ADRA1A: variants seen among roughly 807,000 people sequenced by gnomAD.
ADRA1A encodes the protein alpha-1A adrenergic receptor.
ADRA1A carries 31 observed loss-of-function variants against 29.6 expected under a neutral mutation model. That is an observed-to-expected ratio of 1.05 (90% CI 0.79 to 1.41). The LOEUF (loss-of-function observed/expected upper bound fraction) is 1.41, where lower values mean the gene tolerates loss of function less well. ADRA1A is among the 40% of genes most tolerant of loss of function. The probability of loss-of-function intolerance (pLI) is 0.00; values close to 1 mark genes in which losing one functional copy is unlikely to be tolerated. For missense variants in ADRA1A, 619 were observed against 601.1 expected (o/e 1.03, Z -0.31); for synonymous variants, 311 against 254.3 (o/e 1.22, Z -2.12).
intron 2 of ADRA1A, among the ~76,000 whole-genome samples, chr8:26,804,955 G>A (rs750987080): frequency 6.6e-5 from 10 of 152,040 alleles, no homozygotes; most frequent in Non-Finnish European, 1.2e-4. Context: ...AATAAGCTTC[G>A]GAGTCAGTCT....
In ADRA1A at chr8:26,812,822, G is replaced by A. The variant is rs886570876; in HGVS notation, c.884-42156C>T. Among the ~76,000 whole-genome samples, 12 of 151,468 alleles carry A rather than the reference G, an allele frequency of 7.9e-5. No homozygotes were observed. The East Asian group carries it at 1.2e-3, about 15-fold the overall frequency. ...TGGGATTACAGGCGCCCGCCACCACGCCAGGCTAATTTTTCTGTATTTTTA... is the reference window on the plus strand; with the variant it reads ...TGGGATTACAGGCGCCCGCCACCACACCAGGCTAATTTTTCTGTATTTTTA... On this transcript the variant is annotated intron_variant, in intron 2 of 2. Coordinates refer to ENST00000380573, the MANE Select transcript of ADRA1A (RefSeq NM_000680.4).
At chr8:26,833,465 G>T (rs887155595) in intron 2 of ADRA1A, among the ~76,000 whole-genome samples, 3 of 152,194 alleles carry the variant, frequency 2.0e-5, no homozygotes, top group African/African-American at 7.2e-5. Context: ...CACCTCAGAA[G>T]GACACCCAGC....
At chr8:26,816,483 G>T (rs1390296629) in intron 2 of ADRA1A, among the ~76,000 whole-genome samples, 1 of 152,082 alleles carries the variant, frequency 6.6e-6, no homozygotes, top group Admixed American at 6.5e-5. Flanking sequence ...AGTAACAGTG[G>T]TCTATGGCTG....
At chr8:26,777,009 C>G (rs1200572937) in intron 2 of ADRA1A, among the ~76,000 whole-genome samples, 2 of 152,166 alleles carry the variant, frequency 1.3e-5, no homozygotes, top group Non-Finnish European at 2.9e-5. Flanking sequence ...TCAGGCCAGA[C>G]CCAATGGCTC....
chr8:26,794,972 T>C (rs1208508272), intron 2 of ADRA1A, among the ~76,000 whole-genome samples: 5 of 152,160 alleles, frequency 3.3e-5, no homozygotes, highest in African/African-American at 1.2e-4. Context: ...CTATAATAAT[T>C]TGTTACCTGG....
At chr8:26,844,967 A>T (rs769974107) in intron 2 of ADRA1A, among the ~76,000 whole-genome samples, 20 of 152,160 alleles carry the variant, frequency 1.3e-4, no homozygotes, top group African/African-American at 4.8e-4. Context: ...AAGAAAGTTT[A>T]TGAATTTTTA....
chr8:26,837,594 T>A (rs1029050057), intron 2 of ADRA1A, among the ~76,000 whole-genome samples: 1 of 148,710 alleles, frequency 6.7e-6, no homozygotes, highest in South Asian at 2.1e-4. Context: ...GAAGTTGCAG[T>A]GAGCCAAGAT....
intron 2 of ADRA1A, among the ~76,000 whole-genome samples, chr8:26,780,395 A>T (rs1806880833): frequency 6.6e-6 from 1 of 152,120 alleles, no homozygotes; most frequent in South Asian, 2.1e-4. Flanking sequence ...TTGTTAGTTC[A>T]CGAGGTGACT....
intron 2 of ADRA1A, among the ~76,000 whole-genome samples, chr8:26,759,267 G>T (rs2036109): frequency 0.4 from 60,339 of 152,040 alleles, 12,125 homozygotes; most frequent in Middle Eastern, 0.52. Context: ...GTTGCATATG[G>T]TATTCAGAAG....
At chr8:26,820,917 T>C (rs931704494) in intron 2 of ADRA1A, among the ~76,000 whole-genome samples, 1 of 151,744 alleles carries the variant, frequency 6.6e-6, no homozygotes, top group African/African-American at 2.4e-5. Context: ...TGAGACAGAG[T>C]CTCACTCTGT....
chr8:26,802,839 C>T (rs2130491996), intron 2 of ADRA1A, among the ~76,000 whole-genome samples: 1 of 152,194 alleles, frequency 6.6e-6, no homozygotes, highest in Middle Eastern at 3.4e-3. Flanking sequence ...CCATCAACAG[C>T]TCAATGAATA....
chr8:26,762,513 C>A (rs934473354), downstream of ADRA1A, among the ~76,000 whole-genome samples: 1 of 152,066 alleles, frequency 6.6e-6, no homozygotes, highest in Non-Finnish European at 1.5e-5. The surrounding 1 kb of genome is among the most constrained non-coding windows in gnomAD (Gnocchi z 4.0). Context: ...GGAAATGGCA[C>A]CCTCTGGAGC....
At position 26,779,381 on chromosome 8, in the gene ADRA1A, T is replaced by C. The variant is rs182482503; in HGVS notation, c.884-8715A>G. 848 of 702,824 alleles carry C rather than the reference T, an allele frequency of 1.2e-3. 2 individuals are homozygous for C. The African/African-American group carries it at 0.013, about 11-fold the overall frequency. 43.5% of individuals were successfully genotyped at this position (702,824 alleles called of 1,614,324 possible). ...GCACTGCTGCATGGTGAACTGGTTG[T>C]TTAAAGCTGGGTGAGTCATTTTTTC... On this transcript the variant is annotated intron_variant, in intron 2 of 2. Transcript: ENST00000380573.
chr8:26,755,194 C>CTTT (rs34376542), downstream of ADRA1A, among the ~76,000 whole-genome samples: 27 of 145,628 alleles, frequency 1.9e-4, 1 homozygote, highest in Non-Finnish European at 3.2e-4. Flanking sequence ...AATAGACCTC[C>CTTT]TTTTTTTTTT....
In ADRA1A at chr8:26,770,116, G is replaced by T; in HGVS notation, c.*33C>A. 1 of 1,521,576 alleles carries T rather than the reference G, an allele frequency of 6.6e-7. No homozygotes were observed. Among genetic ancestry groups the T allele is most frequent in the Non-Finnish European group, 8.8e-7 (1 of 1,135,716 alleles). The allele number at this position is 1,521,576 out of a possible 1,614,324, so 94.3% of individuals were successfully genotyped here. On this transcript the variant is annotated 3_prime_UTR_variant, in exon 3 of 3. Coordinates refer to ENST00000380573, the MANE Select transcript of ADRA1A (RefSeq NM_000680.4). ...AGAAGGAAGTGGGGTGGGTACCTAA[G>T]ATTATTCCCCTTTCCTCTGCATCTT...
intron 2 of ADRA1A, among the ~76,000 whole-genome samples, chr8:26,789,162 G>C (rs1198794372): frequency 6.6e-6 from 1 of 151,826 alleles, no homozygotes. Flanking sequence ...TTTAAAAAGG[G>C]TAAAATTCAT....
chr8:26,770,726 G>C, intron 2 of ADRA1A, 60 bp from the exon 3 acceptor site: 1 of 1,524,470 alleles, frequency 6.6e-7, no homozygotes, highest in Non-Finnish European at 8.8e-7. Flanking sequence ...CAATTGGCTA[G>C]GAAAACAATC....
At chr8:26,853,548 A>C (rs747851243) in intron 2 of ADRA1A, among the ~76,000 whole-genome samples, 5 of 152,226 alleles carry the variant, frequency 3.3e-5, no homozygotes, top group African/African-American at 4.8e-5. Context: ...AATGGAAAAG[A>C]AGCGAGTGTA....
intron 2 of ADRA1A, chr8:26,756,842 T>C: frequency 6.3e-7 from 1 of 1,580,526 alleles, no homozygotes; most frequent in Non-Finnish European, 8.6e-7. Context: ...CTAGGCATCA[T>C]GCATCAATGT....
Sources: allele counts gnomAD v4.1 joint callset (sites outside exome capture counted in the v4.1 genomes callset), GRCh38; gene constraint gnomAD v4.1.1; non-coding constraint Gnocchi (gnomAD v3.1); transcripts MANE v1.5; gene names NCBI Gene and HGNC (gene_info 2026-07-23, HGNC 2026-07-21).